Variants in CCSER1 observed in about 807,000 individuals in gnomAD.
CCSER1 encodes serine-rich coiled-coil domain-containing protein 1.
In CCSER1, 41 loss-of-function variants were observed where a neutral mutation model predicts 82.0. The ratio of observed to expected loss-of-function variants is 0.50; its 90% CI spans 0.39 to 0.65. The LOEUF (loss-of-function observed/expected upper bound fraction) is 0.65. CCSER1 is among the 30% of genes least tolerant of loss of function. CCSER1 has a pLI of 0.00. For synonymous variants in CCSER1, 414 were observed against 383.9 expected, an observed-to-expected ratio of 1.08 and a Z score of -0.92; for missense variants, 1,119 against 1,064.2, an observed-to-expected ratio of 1.05 and a Z score of -0.72.
chr4:91,140,354 T>C (rs1218542497), intron 10 of CCSER1, among the ~76,000 whole-genome samples: 1 of 151,984 alleles, frequency 6.6e-6, no homozygotes, highest in Non-Finnish European at 1.5e-5. Context: ...TATCAATTTA[T>C]TGGTAATATT....
chr4:91,159,349 T>C (rs1387325404), intron 10 of CCSER1, among the ~76,000 whole-genome samples: 1 of 151,968 alleles, frequency 6.6e-6, no homozygotes, highest in African/African-American at 2.4e-5. Context: ...ATTATTTCAT[T>C]CTGTGTTCCA....
At chr4:91,309,353 T>TGC (rs33922227) in intron 10 of CCSER1, among the ~76,000 whole-genome samples, 6 of 7,578 alleles carry the variant, frequency 7.9e-4, no homozygotes, top group Non-Finnish European at 1.4e-3. Flanking sequence ...TAAAAATGTA[T>TGC]GTGTGTGTGT....
intron 5 of CCSER1, among the ~76,000 whole-genome samples, chr4:90,560,037 C>G (rs1276015296): frequency 6.6e-6 from 1 of 151,926 alleles, no homozygotes; most frequent in Admixed American, 6.6e-5. Context: ...CACTCTCTTT[C>G]ACAGTTACGA....
chr4:90,665,721 G>A (rs1731646981), intron 6 of CCSER1, among the ~76,000 whole-genome samples: 1 of 152,206 alleles, frequency 6.6e-6, no homozygotes, highest in Admixed American at 6.5e-5. Context: ...TGGGGTATTA[G>A]TTTGTTATTG....
chr4:90,212,216 G>C (rs1740150771), intron 1 of CCSER1, among the ~76,000 whole-genome samples: 1 of 152,106 alleles, frequency 6.6e-6, no homozygotes. Context: ...AAGTTTTGAG[G>C]AGTTCGGAAA....
chr4:90,256,391 G>A (rs1308279203), intron 1 of CCSER1, among the ~76,000 whole-genome samples: 2 of 152,102 alleles, frequency 1.3e-5, no homozygotes, highest in East Asian at 3.9e-4. Flanking sequence ...TCTGGGGTGG[G>A]CATTATTGAC....
In CCSER1 at chr4:90,556,692, G is replaced by A. The variant is rs78646327; in HGVS notation, c.1725-71333G>A. On this transcript the variant is annotated intron_variant, in intron 5 of 10. Transcript: ENST00000509176. ...GAAGAGAAATATATTTATTCATTAC[G>A]TGGAAGTGGATCATCATAAAGGTTT... Among the ~76,000 whole-genome samples, 45 of 151,812 alleles carry A rather than the reference G, an allele frequency of 3.0e-4. No individual in the cohort carries two copies. The East Asian group carries it at 5.6e-3, about 19-fold the overall frequency.
At chr4:90,314,837 C>CTTTTT (rs765931168) in intron 3 of CCSER1, among the ~76,000 whole-genome samples, 10 of 87,580 alleles carry the variant, frequency 1.1e-4, no homozygotes, top group South Asian at 4.3e-4. Flanking sequence ...CTCAGATTTA[C>CTTTTT]TTTTTTTTTT....
At chr4:90,911,390 T>A (rs568603690) in intron 8 of CCSER1, 2 of 449,248 alleles carry the variant, frequency 4.5e-6, no homozygotes, top group Admixed American at 2.4e-5. Flanking sequence ...ATCTGTATAA[T>A]GTTGCATTTT....
At chr4:91,026,591 A>G (rs1487877889) in intron 9 of CCSER1, among the ~76,000 whole-genome samples, 1 of 152,088 alleles carries the variant, frequency 6.6e-6, no homozygotes. Flanking sequence ...AGATGTTCCA[A>G]ATCCATGAGG....
At chr4:90,153,793 G>A (rs1727410751) in intron 1 of CCSER1, among the ~76,000 whole-genome samples, 1 of 152,166 alleles carries the variant, frequency 6.6e-6, no homozygotes, top group East Asian at 1.9e-4. Flanking sequence ...CCGTTTGTCA[G>A]ATGAGTAGGT....
At chr4:91,251,286 A>C (rs1172315115) in intron 10 of CCSER1, among the ~76,000 whole-genome samples, 1 of 152,140 alleles carries the variant, frequency 6.6e-6, no homozygotes, top group Non-Finnish European at 1.5e-5. Flanking sequence ...CTGTATCTTC[A>C]CATGGTGGAG....
Position 91,603,142 on chromosome 4 carries a change from GA to G in CCSER1, c.*4086del, listed in dbSNP as rs1424180966. ...CTTATAAAAGGCTGATTTCAGTTAA[GA>G]CTGGTCATTTTTTTAAAAAGCTGAA... is the stretch of plus-strand genomic sequence containing the variant. On this transcript the variant is annotated 3_prime_UTR_variant, in exon 11 of 11. Transcript: ENST00000509176. The G allele has an allele frequency of 1.3e-5, 2 of 152,020 alleles. No homozygotes were observed. The highest frequency in any genetic ancestry group is 2.9e-5 in the Non-Finnish European group (2 of 67,964). The allele number at this position is 152,020 out of a possible 1,614,324, so 9.4% of individuals were successfully genotyped here.
intron 1 of CCSER1, among the ~76,000 whole-genome samples, chr4:90,138,530 A>C (rs1724129773): frequency 6.6e-6 from 1 of 152,186 alleles, no homozygotes; most frequent in Non-Finnish European, 1.5e-5. Context: ...TCTTAAAGTA[A>C]ATGAAAGGAC....
chr4:91,475,360 G>C lies in CCSER1; in HGVS notation c.2218-123212G>C, dbSNP rs558719062. On this transcript the variant is annotated intron_variant, in intron 10 of 10. Transcript: ENST00000509176. ...ACTTGAAAATTTTAATGTGATTTCA[G>C]AGCAGATATGAGGTTGATATGGTAC... 1.1e-4 allele frequency among the ~76,000 whole-genome samples: 17 copies of C among 151,960 alleles called. No homozygotes were observed. The South Asian group carries it at 3.3e-3, about 30-fold the overall frequency.
chr4:90,409,932 G>A (rs2153553610), intron 4 of CCSER1, among the ~76,000 whole-genome samples: 1 of 152,128 alleles, frequency 6.6e-6, no homozygotes, highest in East Asian at 1.9e-4. Context: ...AGGGATGGAG[G>A]AAGATCTACC....
intron 4 of CCSER1, among the ~76,000 whole-genome samples, chr4:90,429,113 T>C (rs1757930562): frequency 2.0e-5 from 3 of 151,842 alleles, no homozygotes; most frequent in Admixed American, 2.0e-4. Flanking sequence ...CCGTCAGTAC[T>C]ATCAGCTCGC....
intron 8 of CCSER1, among the ~76,000 whole-genome samples, chr4:90,889,359 G>A (rs1325004741): frequency 6.6e-6 from 1 of 152,044 alleles, no homozygotes; most frequent in Non-Finnish European, 1.5e-5. Flanking sequence ...TTCTCTTATT[G>A]ACTCACTCTC....
chr4:91,421,988 C>A (rs1015810509), intron 10 of CCSER1, among the ~76,000 whole-genome samples: 1 of 151,974 alleles, frequency 6.6e-6, no homozygotes, highest in Non-Finnish European at 1.5e-5. Flanking sequence ...CAAAAGCCAG[C>A]AAGAAAAGGG....
Sources: allele counts gnomAD v4.1 joint callset (sites outside exome capture counted in the v4.1 genomes callset), GRCh38; gene constraint gnomAD v4.1.1; transcripts MANE v1.5; gene names NCBI Gene and HGNC (gene_info 2026-07-23, HGNC 2026-07-21).